The following PEX11G variants were observed in gnomAD, a reference collection of about 807,000 sequenced individuals.
PEX11G encodes peroxisomal biogenesis factor 11 gamma.
Under a neutral mutation model 22.5 loss-of-function variants are expected in PEX11G, and 20 were observed. That is an observed-to-expected ratio of 0.89 (90% CI 0.62 to 1.29). The LOEUF (loss-of-function observed/expected upper bound fraction) is 1.29. PEX11G is among the 50% of genes most tolerant of loss of function. The probability of loss-of-function intolerance (pLI) is 0.00; values close to 1 mark genes in which losing one functional copy is unlikely to be tolerated. For missense variants in PEX11G, 347 were observed against 331.3 expected (o/e 1.05, Z -0.37); for synonymous variants, 141 against 154.5 (o/e 0.91, Z 0.65).
intron 3 of PEX11G, among the ~76,000 whole-genome samples, chr19:7,481,604 G>A (rs1977491967): frequency 6.6e-6 from 1 of 152,240 alleles, no homozygotes; most frequent in Admixed American, 6.5e-5. Flanking sequence ...ATGAGGGTCA[G>A]GGAAGGAGGT....
chr19:7,490,507 T>G (rs1381662313), upstream of PEX11G, among the ~76,000 whole-genome samples: 93 of 130,324 alleles, frequency 7.1e-4, no homozygotes, highest in East Asian at 0.013. Flanking sequence ...TTTTTTTTTT[T>G]TTTTTGTATT....
intron 3 of PEX11G, 30 bp downstream of exon 3, chr19:7,482,003 G>T: frequency 2.0e-6 from 3 of 1,535,078 alleles, no homozygotes; most frequent in East Asian, 4.7e-5. Context: ...CAGGGACCTT[G>T]GGTGCTCCCT....
At chr19:7,479,310 CCT>C (rs1006372933) in intron 3 of PEX11G, among the ~76,000 whole-genome samples, 43 of 152,252 alleles carry the variant, frequency 2.8e-4, no homozygotes, top group Middle Eastern at 6.8e-3. Flanking sequence ...ATGGTGAACC[CCT>C]GTCTCTACTA....
At chr19:7,480,733 TCC>T (rs567693298) in intron 3 of PEX11G, among the ~76,000 whole-genome samples, 1 of 151,846 alleles carries the variant, frequency 6.6e-6, no homozygotes, top group East Asian at 1.9e-4. Context: ...AAGCAAAGCT[TCC>T]CCCAGAAAAA....
intron 1 of PEX11G, 131 bp from the exon 2 acceptor site, chr19:7,486,157 C>T (rs1237390258): frequency 1.3e-6 from 1 of 795,042 alleles, no homozygotes; most frequent in Non-Finnish European, 1.9e-6. Context: ...GAAAGAGTCT[C>T]ACTCTGTCAT....
At chr19:7,492,654 C>G (rs1172033582), upstream of PEX11G, among the ~76,000 whole-genome samples, 1 of 152,148 alleles carries the variant, frequency 6.6e-6, no homozygotes, top group East Asian at 1.9e-4. Flanking sequence ...GTTGGCCAGG[C>G]TGGTCTCCAA....
rs1436952807 is a variant in PEX11G at position 7,485,711 on chromosome 19, C to T, written c.249+127G>A. ...GTCTCGAACTCCTGACCTCATGATC[C>T]GCCAGCCTTGGCCTCACAAAGTGCT... On this transcript the variant is annotated intron_variant, in intron 2 of 4. Coordinates refer to ENST00000221480, the MANE Select transcript of PEX11G (RefSeq NM_080662.4). The T allele has an allele frequency of 4.0e-5, 34 of 855,326 alleles. 1 individual carries two copies. Among genetic ancestry groups the T allele is most frequent in the Non-Finnish European group, 5.5e-5 (31 of 566,914 alleles). The allele number at this position is 855,326 out of a possible 1,614,324, so 53.0% of individuals were successfully genotyped here. A position where few individuals can be genotyped will look rare whatever the true frequency, so the allele number is the denominator to read the frequency against.
intron 1 of PEX11G, among the ~76,000 whole-genome samples, chr19:7,494,869 T>C (rs2021950283): frequency 6.6e-6 from 1 of 152,210 alleles, no homozygotes; most frequent in African/African-American, 2.4e-5. Flanking sequence ...ACACGAACAC[T>C]GTCCACACTA....
rs200406197 is a variant in PEX11G at position 7,485,931 on chromosome 19, C to T, written c.156G>A (p.Val52=). ...RSEVGTRLLV[V]STQLSHCRTI... ...TCCTGCAGTGGCTGAGTTGGGTGGA[C>T]ACCACCAACAGACGTGTCCCCACTT... Residue 52 remains valine (V), a synonymous_variant, in exon 2 of 5, where the codon GTG becomes GTA. Coordinates refer to ENST00000221480, the MANE Select transcript of PEX11G (RefSeq NM_080662.4). The T allele has an allele frequency of 7.4e-6, 12 of 1,613,696 alleles. No individual in the cohort carries two copies. The African/African-American group carries it at 1.5e-4, about 20-fold the overall frequency.
At position 7,477,325 on chromosome 19, in the gene PEX11G, C is replaced by T. The variant is rs776299749; in HGVS notation, c.603G>A (p.Arg201=). ...GGAAGCGGCCGGCCCACAGCACGCCCCGGGGCAGCCAGTGCACGGCGTTGG... is the reference window on the plus strand; with the variant it reads ...GGAAGCGGCCGGCCCACAGCACGCCTCGGGGCAGCCAGTGCACGGCGTTGG... ...DLANAVHWLP[R]GVLWAGRFPP... The change falls in exon 5 of 5, where the codon CGG becomes CGA. Residue 201 remains arginine (R), a synonymous_variant. Transcript: ENST00000221480. 2.6e-6 allele frequency: 4 copies of T among 1,559,922 alleles called. No individual in the cohort carries two copies. The South Asian group carries it at 3.5e-5, about 14-fold the overall frequency.
chr19:7,484,822 T>C (rs114399368), intron 2 of PEX11G, among the ~76,000 whole-genome samples: 2,768 of 150,872 alleles, frequency 0.018, 88 homozygotes, highest in African/African-American at 0.065. Context: ...TGGGGAAAAA[T>C]TGGAGGCCTG....
At chr19:7,477,536 C>T in intron 4 of PEX11G, 100 bp from the exon 5 acceptor site, 2 of 1,013,580 alleles carry the variant, frequency 2.0e-6, no homozygotes, top group Non-Finnish European at 2.7e-6. Flanking sequence ...TGAGCCCCTG[C>T]CTGTGAGTGG....
upstream of PEX11G, among the ~76,000 whole-genome samples, chr19:7,491,505 G>C (rs1003115403): frequency 6.6e-6 from 1 of 152,018 alleles, no homozygotes; most frequent in Non-Finnish European, 1.5e-5. Flanking sequence ...TTGACCTCAA[G>C]GGATCTGCCT....
intron 2 of PEX11G, among the ~76,000 whole-genome samples, chr19:7,483,780 A>C (rs1410690789): frequency 6.6e-6 from 1 of 151,968 alleles, no homozygotes; most frequent in Non-Finnish European, 1.5e-5. Context: ...CCCTGGGAGG[A>C]CAGAGAGAAC....
chr19:7,494,768 A>G (rs903773967), intron 1 of PEX11G, among the ~76,000 whole-genome samples: 1 of 152,148 alleles, frequency 6.6e-6, no homozygotes, highest in Non-Finnish European at 1.5e-5. Context: ...ACAATCTCAC[A>G]TGACGCCGAC....
At chr19:7,482,456 G>A (rs1017216079) in intron 2 of PEX11G, among the ~76,000 whole-genome samples, 11 of 152,330 alleles carry the variant, frequency 7.2e-5, no homozygotes, top group Admixed American at 7.2e-4. Context: ...GCTGTGCAGT[G>A]CAGTCCTCTG....
At chr19:7,478,169 G>T in intron 4 of PEX11G, 145 bp downstream of exon 4, 1 of 827,138 alleles carries the variant, frequency 1.2e-6, no homozygotes, top group Non-Finnish European at 1.9e-6. Flanking sequence ...AAAAGGTACC[G>T]CCACCCACCA....
In PEX11G at chr19:7,488,947, T is replaced by A; in HGVS notation, c.60+4A>T. 6.4e-7 allele frequency: 1 copy of A among 1,551,868 alleles called. No homozygotes were observed. The highest frequency in any genetic ancestry group is 1.2e-5 in the South Asian group (1 of 84,272). ...CCTCCGGCCCCGGTCCGCCCCTGCC[T>A]CACCAGGCGGTCCCGGCCCCTGTAC... On this transcript the variant is annotated splice_donor_region_variant and intron_variant, in intron 1 of 4. Coordinates refer to ENST00000221480, the MANE Select transcript of PEX11G (RefSeq NM_080662.4).
At chr19:7,490,829 A>C (rs1435761071), upstream of PEX11G, among the ~76,000 whole-genome samples, 1 of 151,770 alleles carries the variant, frequency 6.6e-6, no homozygotes, top group Non-Finnish European at 1.5e-5. Flanking sequence ...GGTAGAGTGC[A>C]GCGGCACGAT....
Sources: gnomAD v4.1 joint callset for allele counts (sites outside exome capture counted in the v4.1 genomes callset) on GRCh38, gnomAD v4.1.1 for gene constraint, MANE v1.5 for transcripts, NCBI Gene and HGNC (gene_info 2026-07-23, HGNC 2026-07-21) for gene names.